Variants in LRRN1 observed in about 807,000 individuals in gnomAD.
LRRN1 encodes leucine-rich repeat neuronal protein 1.
A neutral mutation model predicts 45.8 loss-of-function variants in LRRN1; 14 were observed. That is an observed-to-expected ratio of 0.31 (90% CI 0.20 to 0.48). LRRN1 has a LOEUF of 0.48. LRRN1 is among the 20% of genes least tolerant of loss of function. The pLI is 0.99. For missense variants in LRRN1, 789 were observed against 874.2 expected (o/e 0.90, Z 1.23); for synonymous variants, 359 against 330.1 (o/e 1.09, Z -0.95).
intron 1 of LRRN1, chr3:3,827,108 T>A (rs761413432): frequency 6.2e-6 from 1 of 161,676 alleles, no homozygotes; most frequent in Non-Finnish European, 1.4e-5. Context: ...GGGCTTGCCA[T>A]GTGCCAGGCC....
chr3:3,834,527 T>TATATATATATATATATATATAG (rs1693448976), intron 1 of LRRN1, among the ~76,000 whole-genome samples: 1 of 66,622 alleles, frequency 1.5e-5, no homozygotes, highest in Non-Finnish European at 2.8e-5. Context: ...CAGAACAGGA[T>TATATATATATATATATATATAG]ATATATATAT....
At chr3:3,820,476 C>T (rs963698201) in intron 1 of LRRN1, among the ~76,000 whole-genome samples, 3 of 152,096 alleles carry the variant, frequency 2.0e-5, no homozygotes, top group African/African-American at 4.8e-5. Flanking sequence ...CTATGTAAAC[C>T]GCTCTTCATT....
In LRRN1 at chr3:3,847,315, C is replaced by G. The variant is rs1235732910; in HGVS notation, c.*523C>G. ...ACCTTCGTTGAATGATGTTAGTTGA[C>G]TGTACTGTAATGTTGTATCAACTGA... On this transcript the variant is annotated 3_prime_UTR_variant, in exon 2 of 2. Coordinates refer to ENST00000319331, the MANE Select transcript of LRRN1 (RefSeq NM_020873.7). 1 of 166,804 alleles carries G rather than the reference C, an allele frequency of 6.0e-6. No individual in the cohort carries two copies. The highest frequency in any genetic ancestry group is 1.9e-4 in the East Asian group (1 of 5,188). 10.3% of individuals were successfully genotyped at this position (166,804 alleles called of 1,614,324 possible). A position where few individuals can be genotyped will look rare whatever the true frequency, so the allele number is the denominator to read the frequency against.
chr3:3,810,859 C>A (rs1386590974), intron 1 of LRRN1, among the ~76,000 whole-genome samples: 2 of 152,152 alleles, frequency 1.3e-5, no homozygotes, highest in African/African-American at 4.8e-5. Context: ...TTTTCACTTG[C>A]ACATGAAGGG....
At chr3:3,809,165 T>G (rs1692825745) in intron 1 of LRRN1, among the ~76,000 whole-genome samples, 1 of 152,048 alleles carries the variant, frequency 6.6e-6, no homozygotes, top group Admixed American at 6.6e-5. Flanking sequence ...TTCTTTAAGA[T>G]GGAGCCTTGT....
chr3:3,800,895 G>C (rs1411265131), intron 1 of LRRN1: 1 of 152,384 alleles, frequency 6.6e-6, no homozygotes, highest in Admixed American at 6.5e-5. Flanking sequence ...TTGCCGGCGA[G>C]TGTCCTTTGT....
chr3:3,834,556 T>TATATATATATATATATG (rs1693462371), intron 1 of LRRN1, among the ~76,000 whole-genome samples: 2 of 115,124 alleles, frequency 1.7e-5, no homozygotes, highest in African/African-American at 3.1e-5. Context: ...ATATATATGA[T>TATATATATATATATATG]ATATATATTA....
chr3:3,825,043 A>G (rs1693188304), intron 1 of LRRN1, among the ~76,000 whole-genome samples: 1 of 152,164 alleles, frequency 6.6e-6, no homozygotes, highest in Non-Finnish European at 1.5e-5. Context: ...GTTATTCCCT[A>G]GGGCTCTTTC....
At position 3,845,918 on chromosome 3, in the gene LRRN1, T is replaced by C. The variant is rs764948605; in HGVS notation, c.1277T>C (p.Ile426Thr). ...TCGAGTGAACAGTGCCTCCCAATGA[T>C]ATCTCACGACAGCTTCCCAAATCGT... ...QDSSEQCLPM[I>T]SHDSFPNRLN... Residue 426 changes from isoleucine to threonine, a missense_variant, in exon 2 of 2, where the codon ATA becomes ACA. Physicochemically the swap from Ile to Thr is moderately conservative, Grantham distance 89. Transcript: ENST00000319331. This position sits in a 1 kb window ranked among gnomAD's most constrained non-coding sequence, Gnocchi z 6.5. 3 of 1,613,958 alleles carry C rather than the reference T, an allele frequency of 1.9e-6. No individual in the cohort carries two copies. The highest frequency in any genetic ancestry group is 2.5e-6 in the Non-Finnish European group (3 of 1,179,998).
chr3:3,836,646 C>T (rs1693521922), intron 1 of LRRN1, among the ~76,000 whole-genome samples: 1 of 152,090 alleles, frequency 6.6e-6, no homozygotes, highest in Non-Finnish European at 1.5e-5. Context: ...CCCTTCCCTC[C>T]TATGCAGCTC....
chr3:3,805,158 C>T (rs1014915297), intron 1 of LRRN1, among the ~76,000 whole-genome samples: 8 of 152,172 alleles, frequency 5.3e-5, no homozygotes, highest in Non-Finnish European at 8.8e-5. Flanking sequence ...TAGCACCTAT[C>T]TCAGTAAGAC....
At chr3:3,833,678 C>G (rs1196654392) in intron 1 of LRRN1, among the ~76,000 whole-genome samples, 1 of 152,180 alleles carries the variant, frequency 6.6e-6, no homozygotes, top group Non-Finnish European at 1.5e-5. Context: ...ATTATTTTGC[C>G]TGGCAACTGC....
chr3:3,808,013 A>T (rs1318071365), intron 1 of LRRN1, among the ~76,000 whole-genome samples: 2 of 152,192 alleles, frequency 1.3e-5, no homozygotes, highest in South Asian at 4.1e-4. Context: ...AACACAAAAT[A>T]TGTGGGCAAA....
intron 1 of LRRN1, among the ~76,000 whole-genome samples, chr3:3,815,784 A>G (rs1304082715): frequency 2.6e-5 from 4 of 152,168 alleles, no homozygotes; most frequent in Non-Finnish European, 4.4e-5. Flanking sequence ...TGAATATTCT[A>G]TAGTTTATGT....
intron 1 of LRRN1, among the ~76,000 whole-genome samples, chr3:3,812,879 T>C (rs1301242964): frequency 6.7e-6 from 1 of 149,884 alleles, no homozygotes; most frequent in Non-Finnish European, 1.5e-5. Context: ...TGGGAAGATA[T>C]AATGCATGTG....
intron 1 of LRRN1, among the ~76,000 whole-genome samples, chr3:3,835,127 G>C (rs548703253): frequency 6.6e-6 from 1 of 152,296 alleles, no homozygotes; most frequent in African/African-American, 2.4e-5. Context: ...TTTAAGTACA[G>C]ATGCTTCTCA....
At chr3:3,808,717 A>G (rs1326918028) in intron 1 of LRRN1, among the ~76,000 whole-genome samples, 1 of 152,200 alleles carries the variant, frequency 6.6e-6, no homozygotes, top group Non-Finnish European at 1.5e-5. Context: ...GGACTGGACT[A>G]CGTTAGCTCT....
intron 1 of LRRN1, among the ~76,000 whole-genome samples, chr3:3,801,608 A>G (rs1162758112): frequency 6.6e-6 from 1 of 152,200 alleles, no homozygotes; most frequent in East Asian, 1.9e-4. Context: ...GAATTTGAAA[A>G]GACAAGGAGT....
chr3:3,846,558 G>A lies in LRRN1; in HGVS notation c.1917G>A (p.Met639Ile). The A allele has an allele frequency of 6.2e-7, 1 of 1,614,136 alleles. No individual in the cohort carries two copies. Among genetic ancestry groups the A allele is most frequent in the East Asian group, 2.2e-5 (1 of 44,874 alleles). Residue 639 changes from methionine (M) to isoleucine (I), a missense_variant, in exon 2 of 2, where the codon ATG (methionine) becomes ATA (isoleucine). Physicochemically the swap from Met to Ile is conservative, Grantham distance 10 (BLOSUM62 1). Coordinates refer to ENST00000319331, the MANE Select transcript of LRRN1 (RefSeq NM_020873.7). This position sits in a 1 kb window ranked among gnomAD's most constrained non-coding sequence, Gnocchi z 5.7. ...STALAAVMGS[M>I]FAVISLASIA... Reference sequence around the variant, plus strand: ...CCCTTGCTGCAGTAATGGGGTCTATGTTTGCCGTCATTAGCCTTGCGTCCA... The same window carrying A: ...CCCTTGCTGCAGTAATGGGGTCTATATTTGCCGTCATTAGCCTTGCGTCCA...
Sources: allele counts gnomAD v4.1 joint callset (sites outside exome capture counted in the v4.1 genomes callset), GRCh38; gene constraint gnomAD v4.1.1; non-coding constraint Gnocchi (gnomAD v3.1); transcripts MANE v1.5; gene names NCBI Gene and HGNC (gene_info 2026-07-23, HGNC 2026-07-21).